Variants in N4BP2L2 observed in about 807,000 individuals in gnomAD.
N4BP2L2 encodes NEDD4-binding protein 2-like 2.
In N4BP2L2, 50 loss-of-function variants were observed where a neutral mutation model predicts 56.2. The ratio of observed to expected loss-of-function variants is 0.89; its 90% CI spans 0.71 to 1.13. The LOEUF (loss-of-function observed/expected upper bound fraction) is 1.13. Ranked by LOEUF, N4BP2L2 falls within the 50% of genes most tolerant of loss-of-function variation. N4BP2L2 has a pLI of 0.00. For missense variants in N4BP2L2, 689 were observed against 693.8 expected, an observed-to-expected ratio of 0.99 and a Z score of 0.08; for synonymous variants, 203 against 223.6, an observed-to-expected ratio of 0.91 and a Z score of 0.82.
At chr13:32,489,086 A>C (rs377487463) in intron 6 of N4BP2L2, among the ~76,000 whole-genome samples, 8 of 152,320 alleles carry the variant, frequency 5.3e-5, no homozygotes, top group African/African-American at 1.9e-4. Flanking sequence ...ACAAACAAAC[A>C]AACAAACATA....
At chr13:32,529,657 G>T (rs201453517) in intron 2 of N4BP2L2, among the ~76,000 whole-genome samples, 2 of 145,886 alleles carry the variant, frequency 1.4e-5, no homozygotes, top group Admixed American at 6.8e-5. Context: ...TTCCTTTTTT[G>T]TTTTTTTTTT....
At chr13:32,529,718 T>C (rs1308760789) in intron 2 of N4BP2L2, among the ~76,000 whole-genome samples, 2 of 150,408 alleles carry the variant, frequency 1.3e-5, no homozygotes, top group Non-Finnish European at 2.9e-5. Flanking sequence ...TAGCAGGTCA[T>C]TTCTTTTCTT....
rs560595829 is a variant in N4BP2L2, at chr13:32,498,224, A to T, written c.365+19633T>A. ...TAGTCTCAAACTCCTGGTCCCTGTA[A>T]TTCCTCCCAAAGTGTTGGGATTACA... On this transcript the variant is annotated intron_variant, in intron 6 of 9. Coordinates refer to the N4BP2L2 transcript ENST00000357505. 2.6e-5 allele frequency among the ~76,000 whole-genome samples: 4 copies of T among 152,244 alleles called. No individual in the cohort carries two copies. In the South Asian group the frequency reaches 8.3e-4, roughly 32 times the overall value.
intron 6 of N4BP2L2, among the ~76,000 whole-genome samples, chr13:32,459,216 T>G (rs1161177538): frequency 1.3e-5 from 2 of 151,854 alleles, no homozygotes; most frequent in Admixed American, 6.6e-5. Context: ...AATCTAATGA[T>G]GCACCTCAAG....
exon 2 of N4BP2L2, chr13:32,536,371 T>C: frequency 6.2e-7 from 1 of 1,614,152 alleles, no homozygotes; most frequent in Admixed American, 1.7e-5. Flanking sequence ...CTTTCTTTTC[T>C]TCATCAGGTT....
chr13:32,520,546 C>A (rs780613984), intron 5 of N4BP2L2, among the ~76,000 whole-genome samples: 3 of 151,568 alleles, frequency 2.0e-5, no homozygotes, highest in Non-Finnish European at 4.4e-5. Context: ...ATAGTCCCAC[C>A]CATTGGAGAG....
chr13:32,444,069 G>A (rs1447622325), exon 7 of N4BP2L2: 1 of 1,579,650 alleles, frequency 6.3e-7, no homozygotes, highest in Non-Finnish European at 8.6e-7. Flanking sequence ...TTCTTTTTCT[G>A]TTCCTCTTCT....
chr13:32,507,386 AAATC>A (rs1217595396), downstream of N4BP2L2: 1 of 152,154 alleles, frequency 6.6e-6, no homozygotes, highest in African/African-American at 2.4e-5. Flanking sequence ...TTAGGTACAA[AAATC>A]AATCAGCCGA....
exon 7 of N4BP2L2, chr13:32,442,556 T>G (rs1298995581): frequency 3.1e-6 from 5 of 1,613,748 alleles, no homozygotes; most frequent in Non-Finnish European, 4.2e-6. Context: ...AACCTTTCAT[T>G]TAAAAAGTGA....
chr13:32,536,694 C>A, exon 2 of N4BP2L2: 1 of 1,614,042 alleles, frequency 6.2e-7, no homozygotes, highest in East Asian at 2.2e-5. Flanking sequence ...TCATCGTCTG[C>A]GGATACTAAT....
chr13:32,474,392 T>C (rs866649816), intron 6 of N4BP2L2, among the ~76,000 whole-genome samples: 29 of 151,922 alleles, frequency 1.9e-4, no homozygotes, highest in African/African-American at 4.6e-4. Context: ...ATACATATGA[T>C]AGAAATGTAC....
chr13:32,517,272 T>G (rs1188604961), exon 6 of N4BP2L2: 1 of 986,086 alleles, frequency 1.0e-6, no homozygotes, highest in African/African-American at 1.7e-5. Flanking sequence ...GAATTTTGTT[T>G]GAACTAAGTG....
At chr13:32,439,866 A>C (rs1185558107) in intron 7 of N4BP2L2, among the ~76,000 whole-genome samples, 1 of 150,846 alleles carries the variant, frequency 6.6e-6, no homozygotes, top group Non-Finnish European at 1.5e-5. Flanking sequence ...CAAAAAAAAA[A>C]AAAAAAAAAA....
chr13:32,498,987 TAAAA>T (rs34972549), intron 6 of N4BP2L2, among the ~76,000 whole-genome samples: 2 of 87,108 alleles, frequency 2.3e-5, no homozygotes, highest in Non-Finnish European at 4.6e-5. Flanking sequence ...AGACTCTGTC[TAAAA>T]AAAAAAAAAA....
At chr13:32,485,981 T>C (rs935022167) in intron 6 of N4BP2L2, among the ~76,000 whole-genome samples, 1 of 152,152 alleles carries the variant, frequency 6.6e-6, no homozygotes, top group African/African-American at 2.4e-5. Context: ...GAGGTGGAAG[T>C]GTTGCTTGAG....
At chr13:32,504,094 CAT>C (rs1357055036) in intron 6 of N4BP2L2, among the ~76,000 whole-genome samples, 2 of 152,152 alleles carry the variant, frequency 1.3e-5, no homozygotes, top group Admixed American at 1.3e-4. Flanking sequence ...TTCGAAACAA[CAT>C]ATAACAGATG....
chr13:32,482,057 G>A (rs981057929), intron 6 of N4BP2L2, among the ~76,000 whole-genome samples: 1 of 152,154 alleles, frequency 6.6e-6, no homozygotes, highest in South Asian at 2.1e-4. Flanking sequence ...GCTGGCCTAC[G>A]AATAAATGAA....
intron 6 of N4BP2L2, among the ~76,000 whole-genome samples, chr13:32,485,823 C>G (rs937397004): frequency 6.6e-6 from 1 of 152,166 alleles, no homozygotes; most frequent in African/African-American, 2.4e-5. Context: ...AATCCCAGCA[C>G]TTTGGGAGGC....
intron 6 of N4BP2L2, among the ~76,000 whole-genome samples, chr13:32,471,344 G>T (rs1382119771): frequency 1.3e-5 from 2 of 152,170 alleles, no homozygotes; most frequent in Non-Finnish European, 2.9e-5. Flanking sequence ...AATAGGCCAA[G>T]GTGGACCTCT....
Sources: gnomAD v4.1 joint callset for allele counts (sites outside exome capture counted in the v4.1 genomes callset) on GRCh38, gnomAD v4.1.1 for gene constraint, MANE v1.5 for transcripts, NCBI Gene and HGNC (gene_info 2026-07-23, HGNC 2026-07-21) for gene names.